Variants in FSD1L observed in about 807,000 individuals in gnomAD.
FSD1L encodes FSD1-like protein.
In FSD1L, 45 loss-of-function variants were observed where a neutral mutation model predicts 71.6. The observed-to-expected ratio is 0.63, with a 90% CI of 0.49 to 0.81. The LOEUF is 0.81. Ranked by LOEUF, FSD1L falls within the 30% of genes least tolerant of loss-of-function variation. The pLI is 0.00. For synonymous variants in FSD1L, 197 were observed against 207.2 expected (o/e 0.95, Z 0.42); for missense variants, 561 against 618.1 (o/e 0.91, Z 0.98).
chr9:105,452,401 A>G (rs569822946), intron 1 of FSD1L, among the ~76,000 whole-genome samples: 3 of 152,362 alleles, frequency 2.0e-5, no homozygotes, highest in Admixed American at 2.0e-4. Context: ...AATGAAGCCC[A>G]GAGAGGTTAA....
intron 7 of FSD1L, 111 bp from the exon 8 acceptor site, chr9:105,506,288 T>A (rs1191722046): frequency 2.5e-6 from 2 of 812,652 alleles, no homozygotes; most frequent in Non-Finnish European, 3.8e-6. Flanking sequence ...TTGAACAGTT[T>A]AAAAGCATAA....
At chr9:105,485,103 AATT>A (rs1235984646) in intron 7 of FSD1L, among the ~76,000 whole-genome samples, 13 of 152,320 alleles carry the variant, frequency 8.5e-5, no homozygotes, top group African/African-American at 2.9e-4. Flanking sequence ...TTGAGTCCTA[AATT>A]ATTCACATAT....
At chr9:105,497,790 AT>A (rs1056504708) in intron 7 of FSD1L, among the ~76,000 whole-genome samples, 2 of 151,732 alleles carry the variant, frequency 1.3e-5, no homozygotes, top group Non-Finnish European at 1.5e-5. Context: ...TGCTTTCAGG[AT>A]TTTTTTCCAT....
intron 1 of FSD1L, among the ~76,000 whole-genome samples, chr9:105,456,055 G>A (rs1034213670): frequency 6.6e-5 from 10 of 152,104 alleles, no homozygotes; most frequent in Admixed American, 2.0e-4. Flanking sequence ...TCTGATTTGG[G>A]GTTATAACCT....
intron 13 of FSD1L, 33 bp downstream of exon 13, chr9:105,539,384 C>A: frequency 2.1e-6 from 2 of 942,994 alleles, no homozygotes; most frequent in Middle Eastern, 5.5e-4. Context: ...ATATACCTAA[C>A]ATATTTTACT....
intron 4 of FSD1L, 141 bp from the exon 5 acceptor site, chr9:105,471,763 A>T: frequency 3.4e-6 from 1 of 291,188 alleles, no homozygotes; most frequent in Non-Finnish European, 6.3e-6. Context: ...TTATCTTGCT[A>T]CAATAGCTCA....
At chr9:105,521,466 A>G in intron 10 of FSD1L, 1 of 1,613,798 alleles carries the variant, frequency 6.2e-7, no homozygotes, top group Non-Finnish European at 8.5e-7. Context: ...TTCTTCTAAA[A>G]GGAGTAATGT....
At position 105,551,423 on chromosome 9, in the gene FSD1L, G is replaced by A. The variant is rs933308555; in HGVS notation, c.*4940G>A. 7.2e-5 allele frequency: 11 copies of A among 151,874 alleles called. No homozygotes were observed. Among genetic ancestry groups the A allele is most frequent in the South Asian group, 2.1e-4 (1 of 4,828 alleles). The allele number at this position is 151,874 out of a possible 1,614,324, so 9.4% of individuals were successfully genotyped here. ...TGCCTTCTTTATAAAATAAGTGTAAGTTGTTCAGCCTGCCTCACAGGGCTG... is the reference window on the plus strand; with the variant it reads ...TGCCTTCTTTATAAAATAAGTGTAAATTGTTCAGCCTGCCTCACAGGGCTG... On this transcript the variant is annotated 3_prime_UTR_variant, in exon 14 of 14. Coordinates refer to ENST00000481272, the MANE Select transcript of FSD1L (RefSeq NM_001145313.3).
chr9:105,517,106 C>T (rs1025774899), intron 10 of FSD1L, among the ~76,000 whole-genome samples: 5 of 151,922 alleles, frequency 3.3e-5, no homozygotes, highest in Non-Finnish European at 5.9e-5. Flanking sequence ...TGAAATAAAG[C>T]GAGAAGACAA....
At chr9:105,520,485 AAG>A (rs774302144) in intron 10 of FSD1L, 3 of 1,067,236 alleles carry the variant, frequency 2.8e-6, no homozygotes, top group Non-Finnish European at 4.4e-6. Flanking sequence ...ACAAGTCTCA[AAG>A]AGAGGAACTG....
At chr9:105,545,877 A>G (rs1303742736) in intron 13 of FSD1L, among the ~76,000 whole-genome samples, 1 of 152,060 alleles carries the variant, frequency 6.6e-6, no homozygotes, top group Non-Finnish European at 1.5e-5. Flanking sequence ...ATAATTATAT[A>G]AGAGTTCTTA....
chr9:105,503,237 T>G (rs1321607281), intron 7 of FSD1L, among the ~76,000 whole-genome samples: 1 of 152,164 alleles, frequency 6.6e-6, no homozygotes, highest in Non-Finnish European at 1.5e-5. Flanking sequence ...TTTAAATCTC[T>G]AATTTTTAAT....
chr9:105,540,037 A>G (rs1836508741), intron 13 of FSD1L, among the ~76,000 whole-genome samples: 3 of 152,094 alleles, frequency 2.0e-5, no homozygotes, highest in Admixed American at 1.3e-4. Flanking sequence ...CATATCGTAT[A>G]TGTATAATCA....
intron 10 of FSD1L, chr9:105,524,838 C>T (rs1835409094): frequency 6.3e-7 from 1 of 1,590,504 alleles, no homozygotes; most frequent in African/African-American, 1.3e-5. Context: ...TCCTGCTATG[C>T]TAACAAGTCA....
chr9:105,463,131 ACT>A (rs1830826341), intron 2 of FSD1L, among the ~76,000 whole-genome samples: 1 of 129,512 alleles, frequency 7.7e-6, no homozygotes, highest in Non-Finnish European at 1.6e-5. Flanking sequence ...ACAGCCAAAA[ACT>A]CTGTCTCGAG....
At chr9:105,453,584 C>A (rs1830188042) in intron 1 of FSD1L, among the ~76,000 whole-genome samples, 1 of 151,968 alleles carries the variant, frequency 6.6e-6, no homozygotes, top group Non-Finnish European at 1.5e-5. Flanking sequence ...TCTTAGCTTT[C>A]TATAGTAGAA....
At chr9:105,522,109 C>T in intron 10 of FSD1L, 1 of 1,613,754 alleles carries the variant, frequency 6.2e-7, no homozygotes, top group Non-Finnish European at 8.5e-7. Flanking sequence ...CTTGCAGGAC[C>T]ACTTTTCCAG....
chr9:105,450,572 C>T (rs1488685802), intron 1 of FSD1L, among the ~76,000 whole-genome samples: 3 of 141,360 alleles, frequency 2.1e-5, no homozygotes, highest in East Asian at 4.1e-4. Context: ...TTGCTCTTGT[C>T]GCCCAGGCTG....
At chr9:105,535,389 C>A in intron 12 of FSD1L, 71 bp downstream of exon 12, 1 of 1,435,540 alleles carries the variant, frequency 7.0e-7, no homozygotes. Context: ...TGGTAATCAT[C>A]TATACAGGAT....
Sources: allele counts gnomAD v4.1 joint callset (sites outside exome capture counted in the v4.1 genomes callset), GRCh38; gene constraint gnomAD v4.1.1; transcripts MANE v1.5; gene names NCBI Gene and HGNC (gene_info 2026-07-23, HGNC 2026-07-21).